ARHGAP30: variants seen among roughly 807,000 people sequenced by gnomAD.
ARHGAP30 encodes the protein rho GTPase-activating protein 30.
A neutral mutation model predicts 72.0 loss-of-function variants in ARHGAP30; 23 were observed. The observed-to-expected ratio is 0.32, with a 90% CI of 0.23 to 0.45. ARHGAP30 has a LOEUF of 0.45. Ranked by LOEUF, ARHGAP30 falls within the 20% of genes least tolerant of loss-of-function variation. The pLI is 1.00. For synonymous variants in ARHGAP30, 576 were observed against 528.2 expected, an observed-to-expected ratio of 1.09 and a Z score of -1.24; for missense variants, 1,319 against 1,383.4, an observed-to-expected ratio of 0.95 and a Z score of 0.74.
Position 161,048,670 on chromosome 1 carries a change from T to G in ARHGAP30, c.2351A>C (p.Glu784Ala). 1 of 1,614,130 alleles carries G rather than the reference T, an allele frequency of 6.2e-7. No individual in the cohort carries two copies. The highest frequency in any genetic ancestry group is 8.5e-7 in the Non-Finnish European group (1 of 1,180,028). The stretch of plus-strand genomic sequence containing the variant: ...CTCAGCCTCTTGTTTCTGTACAACT[T>G]CCCATTTCTCCTCAGCAACTTGATC... ...QEDQVAEEKW[E>A]VVQKQEAEGV... Residue 784 changes from glutamate (E) to alanine (A), a missense_variant, in exon 12 of 12, where the codon GAA (glutamate) becomes GCA (alanine). By Grantham distance (107) the Glu-to-Ala change is moderately radical (BLOSUM62 -1). Coordinates refer to ENST00000368013, the MANE Select transcript of ARHGAP30 (RefSeq NM_001025598.2).
At position 161,052,681 on chromosome 1, in the gene ARHGAP30, C is replaced by A. The variant is rs766260516; in HGVS notation, c.781G>T (p.Asp261Tyr). ...TAGGGCCGCATCTGTGGGGGTCCAT[C>A]GCCAGCCTGCAGTATGCTAGGCAGG... ...YHLPSILQAG[D>Y]GPPQMRPYHT... Residue 261 changes from aspartate to tyrosine, a missense_variant, in exon 7 of 12, where the codon GAT becomes TAT. Asp to Tyr is a radical substitution (Grantham distance 160). Transcript: ENST00000368013. 1 of 1,613,582 alleles carries A rather than the reference C, an allele frequency of 6.2e-7. No individual in the cohort carries two copies.
chr1:161,063,486 G>A (rs970729462), intron 1 of ARHGAP30, among the ~76,000 whole-genome samples: 8 of 152,134 alleles, frequency 5.3e-5, no homozygotes, highest in Non-Finnish European at 1.0e-4. Context: ...CTTTACTTTA[G>A]TCTCTTAATC....
At chr1:161,061,352 G>C (rs946933604) in intron 1 of ARHGAP30, among the ~76,000 whole-genome samples, 7 of 151,732 alleles carry the variant, frequency 4.6e-5, no homozygotes, top group African/African-American at 1.7e-4. Context: ...TTTTAGTAGA[G>C]ACCGGGTTTC....
rs1384552707 is a variant in ARHGAP30 at position 161,048,343 on chromosome 1, G to A, written c.2678C>T (p.Pro893Leu). The part of the protein sequence containing the change: ...SEMEEVAPQP[P>L]QPEEMEPEGQ... ...CTCAGGCTCCATCTCCTCTGGCTGA[G>A]GTGGCTGTGGGGCTACCTCTTCCAT... Residue 893 changes from proline to leucine, a missense_variant, in exon 12 of 12, where the codon CCT (proline) becomes CTT (leucine). By Grantham distance (98) the Pro-to-Leu change is moderately conservative. Transcript: ENST00000368013. 2 of 1,614,054 alleles carry A rather than the reference G, an allele frequency of 1.2e-6. No individual in the cohort carries two copies. The highest frequency in any genetic ancestry group is 2.2e-5 in the East Asian group (1 of 44,898).
chr1:161,056,744 A>G (rs769610862), intron 2 of ARHGAP30, among the ~76,000 whole-genome samples: 13 of 152,220 alleles, frequency 8.5e-5, no homozygotes, highest in Non-Finnish European at 1.8e-4. Flanking sequence ...GTACATGTAC[A>G]GGTAAGTGGA....
Position 161,069,529 on chromosome 1 carries a change from C to T in ARHGAP30, c.96G>A (p.Glu32=). The T allele has an allele frequency of 6.2e-7, 1 of 1,609,940 alleles. No homozygotes were observed. Among genetic ancestry groups the T allele is most frequent in the Non-Finnish European group, 8.5e-7 (1 of 1,179,996 alleles). Residue 32 remains glutamate, a splice_region_variant and synonymous_variant, in exon 1 of 12, where the codon GAG becomes GAA. Coordinates refer to ENST00000368013, the MANE Select transcript of ARHGAP30 (RefSeq NM_001025598.2). This position sits in a 1 kb window ranked among gnomAD's most constrained non-coding sequence, Gnocchi z 4.9. The stretch of plus-strand genomic sequence containing the variant: ...CAGAAGCTGAGCCGGCCTCCTTACC[C>T]TCCTGGCCTGAGTGCTGCAGGTGCT... ...LQEHLQHSGQ[E]VPQVLKSCAE...
chr1:161,062,884 G>A (rs1343073131), intron 1 of ARHGAP30, among the ~76,000 whole-genome samples: 1 of 151,270 alleles, frequency 6.6e-6, no homozygotes, highest in South Asian at 2.1e-4. Context: ...GCACAATCTC[G>A]GCTCACCACA....
chr1:161,054,503 G>C (rs747853848), intron 4 of ARHGAP30, 30 bp from the exon 5 acceptor site: 1 of 1,608,056 alleles, frequency 6.2e-7, no homozygotes, highest in Admixed American at 1.7e-5. Context: ...GGATCACACA[G>C]GGAATGCCCA....
intron 1 of ARHGAP30, among the ~76,000 whole-genome samples, chr1:161,062,723 C>T (rs1256635532): frequency 6.6e-6 from 1 of 150,456 alleles, no homozygotes; most frequent in Non-Finnish European, 1.5e-5. Flanking sequence ...AGTGAGATTC[C>T]GTGTCAAAAA....
At chr1:161,068,718 T>C (rs1318050528) in intron 1 of ARHGAP30, among the ~76,000 whole-genome samples, 1 of 152,122 alleles carries the variant, frequency 6.6e-6, no homozygotes. Context: ...CCAGGCCCCG[T>C]TGTGAACCTG....
chr1:161,053,330 G>T lies in ARHGAP30; in HGVS notation c.592C>A (p.Arg198=), dbSNP rs746082362. The T allele has an allele frequency of 6.2e-7, 1 of 1,613,866 alleles. No individual in the cohort carries two copies. The highest frequency in any genetic ancestry group is 8.5e-7 in the Non-Finnish European group (1 of 1,180,010). ...FNGTAAFMEV[R]VQSIVVEFIL... ...AACTCCACGACGATGGATTGTACCC[G>T]CACCTCCATGAAGGCCGCTGTCCCA... Residue 198 remains arginine, a synonymous_variant, in exon 6 of 12, where the codon CGG becomes AGG. Transcript: ENST00000368013.
intron 1 of ARHGAP30, among the ~76,000 whole-genome samples, chr1:161,067,339 G>C (rs1438214944): frequency 6.6e-6 from 1 of 152,128 alleles, no homozygotes; most frequent in East Asian, 1.9e-4. Flanking sequence ...TTGGGAGGCC[G>C]AGGCGGGTGG....
At chr1:161,058,860 C>CAAA (rs771979327) in intron 2 of ARHGAP30, among the ~76,000 whole-genome samples, 16 of 114,752 alleles carry the variant, frequency 1.4e-4, no homozygotes, top group African/African-American at 3.6e-4. Context: ...GACTCTATCT[C>CAAA]AAAAAAAAAA....
intron 1 of ARHGAP30, among the ~76,000 whole-genome samples, chr1:161,061,121 A>C (rs1409686032): frequency 1.3e-5 from 2 of 152,122 alleles, no homozygotes; most frequent in East Asian, 1.9e-4. Context: ...ACCCTCTGGT[A>C]AGAAAGCTCA....
chr1:161,049,844 C>T (rs1336520926), intron 10 of ARHGAP30, among the ~76,000 whole-genome samples, 155 bp from the exon 11 acceptor site: 2 of 152,188 alleles, frequency 1.3e-5, no homozygotes, highest in African/African-American at 4.8e-5. Flanking sequence ...TAGTTATTGG[C>T]TTGCTACCTT....
Position 161,049,483 on chromosome 1 carries a change from G to T in ARHGAP30, c.1627C>A (p.Pro543Thr), listed in dbSNP as rs764147345. ...QAEAAGAAFS[P>T]GEDDPGMGYL... ...CCCATCCCAGGGTCGTCCTCCCCAG[G>T]GGAGAAGGCTGCTCCTGCTGCTTCT... The change falls in exon 11 of 12, where the codon CCT (proline) becomes ACT (threonine). Residue 543 changes from proline (P) to threonine (T), a missense_variant. Pro to Thr is a conservative substitution (Grantham distance 38, BLOSUM62 -1). Transcript: ENST00000368013. 4.5e-5 allele frequency: 72 copies of T among 1,613,844 alleles called. No individual in the cohort carries two copies. The highest frequency in any genetic ancestry group is 6.0e-5 in the Non-Finnish European group (71 of 1,180,014).
rs1395137562 is a variant in ARHGAP30 at position 161,054,634 on chromosome 1, G to T, written c.417C>A (p.Val139=). 1 of 1,614,018 alleles carries T rather than the reference G, an allele frequency of 6.2e-7. No homozygotes were observed. The highest frequency in any genetic ancestry group is 2.2e-5 in the East Asian group (1 of 44,888). Residue 139 remains valine (V), a synonymous_variant, in exon 4 of 12, where the codon GTC becomes GTA. Transcript: ENST00000368013. ...GGAGTGTCACATACCTGTAGTTTGG[G>T]ACAGGGAGTTCCCGAAGCACCTCTA... ...KILEVLRELP[V]PNYRTLEFLM...
At chr1:161,050,471 T>A (rs955077198) in intron 10 of ARHGAP30, among the ~76,000 whole-genome samples, 6 of 150,570 alleles carry the variant, frequency 4.0e-5, no homozygotes, top group African/African-American at 1.5e-4. Context: ...CCTGGCTAAT[T>A]TTTTTTTAAT....
chr1:161,056,900 C>T lies in ARHGAP30; in HGVS notation c.201-368G>A, dbSNP rs562068137. 5.3e-5 allele frequency among the ~76,000 whole-genome samples: 8 copies of T among 152,096 alleles called. No individual in the cohort carries two copies. In the East Asian group the frequency reaches 9.7e-4, roughly 18 times the overall value. Reference sequence around the variant, plus strand: ...GATGGGTATAACTCTTAGAAAGAAACGTTAAGTGTAAATCTTTATGTCCTA... The same window carrying T: ...GATGGGTATAACTCTTAGAAAGAAATGTTAAGTGTAAATCTTTATGTCCTA... On this transcript the variant is annotated intron_variant, in intron 2 of 11. Coordinates refer to ENST00000368013, the MANE Select transcript of ARHGAP30 (RefSeq NM_001025598.2).
Sources: allele counts gnomAD v4.1 joint callset (sites outside exome capture counted in the v4.1 genomes callset), GRCh38; gene constraint gnomAD v4.1.1; non-coding constraint Gnocchi (gnomAD v3.1); transcripts MANE v1.5; gene names NCBI Gene and HGNC (gene_info 2026-07-23, HGNC 2026-07-21).